Variants in SPOCK3 observed in about 807,000 individuals in gnomAD.
SPOCK3 encodes testican-3.
In SPOCK3, 30 loss-of-function variants were observed where a neutral mutation model predicts 56.6. That is an observed-to-expected ratio of 0.53 (90% CI 0.40 to 0.72). SPOCK3 has a LOEUF of 0.72. SPOCK3 is among the 30% of genes least tolerant of loss of function. SPOCK3 has a pLI of 0.00. For synonymous variants in SPOCK3, 196 were observed against 183.3 expected (o/e 1.07, Z -0.56); for missense variants, 527 against 530.0 (o/e 0.99, Z 0.06).
chr4:166,929,169 T>TA (rs35868627), intron 4 of SPOCK3, among the ~76,000 whole-genome samples: 89,295 of 151,648 alleles, frequency 0.59, 27,116 homozygotes, highest in African/African-American at 0.73. Flanking sequence ...AAAACAGCTC[T>TA]AAAAAAGTAA....
chr4:166,821,787 G>C (rs1184698794), intron 6 of SPOCK3, among the ~76,000 whole-genome samples: 1 of 151,870 alleles, frequency 6.6e-6, no homozygotes, highest in Non-Finnish European at 1.5e-5. Flanking sequence ...GGTTTCTTTG[G>C]GGATAATGTA....
intron 6 of SPOCK3, among the ~76,000 whole-genome samples, chr4:166,868,201 G>A (rs1732057966): frequency 6.6e-6 from 1 of 151,672 alleles, no homozygotes; most frequent in Non-Finnish European, 1.5e-5. Context: ...AATTTGGGAG[G>A]CTGAGATGGT....
chr4:166,921,657 C>T (rs528836551), intron 4 of SPOCK3, among the ~76,000 whole-genome samples: 6 of 152,270 alleles, frequency 3.9e-5, no homozygotes, highest in African/African-American at 1.4e-4. Flanking sequence ...TAGGGGCAGA[C>T]TCACTAGCCA....
intron 2 of SPOCK3, among the ~76,000 whole-genome samples, chr4:167,229,630 A>G (rs1329078805): frequency 6.6e-6 from 1 of 152,076 alleles, no homozygotes; most frequent in Non-Finnish European, 1.5e-5. Flanking sequence ...AAAAAGAAAA[A>G]ACAAATTAAG....
chr4:167,132,446 TTTAAGA>T (rs1193213899), intron 2 of SPOCK3, among the ~76,000 whole-genome samples: 3 of 152,218 alleles, frequency 2.0e-5, no homozygotes, highest in Non-Finnish European at 2.9e-5. Context: ...TGTTAAGGTC[TTTAAGA>T]TTATACAGTT....
intron 3 of SPOCK3, 127 bp downstream of exon 3, chr4:167,062,365 T>C (rs1755691069): frequency 1.8e-6 from 1 of 566,106 alleles, no homozygotes; most frequent in African/African-American, 1.9e-5. Context: ...ATTGCACAAA[T>C]TTTTCCATTC....
intron 6 of SPOCK3, among the ~76,000 whole-genome samples, chr4:166,832,088 A>G (rs1013077832): frequency 2.0e-5 from 3 of 151,994 alleles, no homozygotes; most frequent in Non-Finnish European, 4.4e-5. Context: ...CTTTAGTTTA[A>G]TTAGGTACCC....
At chr4:166,766,722 A>T (rs6845416) in intron 7 of SPOCK3, among the ~76,000 whole-genome samples, 120,017 of 151,934 alleles carry the variant, frequency 0.79, 47,648 homozygotes, top group South Asian at 0.82. Context: ...TAGGGAGGAT[A>T]TCCTCTTTTT....
At chr4:166,814,960 T>C (rs1319485947) in intron 6 of SPOCK3, among the ~76,000 whole-genome samples, 1 of 152,120 alleles carries the variant, frequency 6.6e-6, no homozygotes, top group Non-Finnish European at 1.5e-5. Context: ...GACTCAATGA[T>C]GGCTGATATC....
intron 3 of SPOCK3, among the ~76,000 whole-genome samples, chr4:167,041,867 T>A (rs1331855606): frequency 6.6e-6 from 1 of 151,986 alleles, no homozygotes; most frequent in Non-Finnish European, 1.5e-5. Context: ...CTGAACTTCA[T>A]AAATATATAC....
At chr4:166,991,343 A>ATATTTATTTATTTATTTATT (rs5863850) in intron 4 of SPOCK3, among the ~76,000 whole-genome samples, 1 of 142,838 alleles carries the variant, frequency 7.0e-6, no homozygotes, top group Non-Finnish European at 1.5e-5. Context: ...TTTTGTTTTT[A>ATATTTATTTATTTATTTATT]TATTTATTTA....
rs143048327 is a variant in SPOCK3, at chr4:166,914,234, G to GT, written c.351-1492dup. On this transcript the variant is annotated intron_variant, in intron 4 of 10. Transcript: ENST00000357545. ...TTTATTAGAGCAAAAGAGGATTGTAGTAAAAAAAAAATAAGACGTATATGT... is the reference window on the plus strand; with the variant it reads ...TTTATTAGAGCAAAAGAGGATTGTAGTTAAAAAAAAAATAAGACGTATATGT... Among the ~76,000 whole-genome samples, 345 of 151,304 alleles carry GT rather than the reference G, an allele frequency of 2.3e-3. 7 individuals are homozygous for GT. Among genetic ancestry groups the GT allele is most frequent in the East Asian group, 0.022 (113 of 5,114 alleles).
At chr4:167,206,953 A>G (rs1416338149) in intron 2 of SPOCK3, among the ~76,000 whole-genome samples, 1 of 152,052 alleles carries the variant, frequency 6.6e-6, no homozygotes, top group African/African-American at 2.4e-5. Flanking sequence ...AAGGACATGG[A>G]ATGTTCCCAA....
At chr4:166,814,437 T>C (rs1349440291) in intron 6 of SPOCK3, among the ~76,000 whole-genome samples, 1 of 151,990 alleles carries the variant, frequency 6.6e-6, no homozygotes, top group Non-Finnish European at 1.5e-5. Context: ...CCCACCCTCA[T>C]TAGGTGGGTG....
chr4:166,929,923 G>A, intron 4 of SPOCK3, among the ~76,000 whole-genome samples: 1 of 152,006 alleles, frequency 6.6e-6, no homozygotes, highest in Admixed American at 6.6e-5. Context: ...AACTATCATA[G>A]CAAAATGTAG....
intron 3 of SPOCK3, among the ~76,000 whole-genome samples, chr4:167,011,560 C>A (rs908850312): frequency 2.6e-5 from 4 of 152,032 alleles, no homozygotes; most frequent in African/African-American, 9.7e-5. Context: ...ACCATAACGA[C>A]AACAAAAAGT....
intron 6 of SPOCK3, among the ~76,000 whole-genome samples, chr4:166,815,163 T>A (rs1167361949): frequency 6.6e-6 from 1 of 152,116 alleles, no homozygotes; most frequent in Non-Finnish European, 1.5e-5. Flanking sequence ...GATAATTTTT[T>A]TCTTTTTCAA....
intron 4 of SPOCK3, among the ~76,000 whole-genome samples, chr4:166,945,524 C>T (rs1258911048): frequency 6.6e-6 from 1 of 152,110 alleles, no homozygotes; most frequent in Non-Finnish European, 1.5e-5. Context: ...TAGATTCTGC[C>T]TACAGCTTCA....
intron 6 of SPOCK3, among the ~76,000 whole-genome samples, chr4:166,821,460 T>C (rs908123302): frequency 1.3e-5 from 2 of 152,008 alleles, no homozygotes; most frequent in African/African-American, 4.8e-5. Context: ...TGAAAACATA[T>C]GGTAACACAA....
Sources: gnomAD v4.1 joint callset for allele counts (sites outside exome capture counted in the v4.1 genomes callset) on GRCh38, gnomAD v4.1.1 for gene constraint, MANE v1.5 for transcripts, NCBI Gene and HGNC (gene_info 2026-07-23, HGNC 2026-07-21) for gene names.